PTPRO: variants seen among roughly 807,000 people sequenced by gnomAD.
PTPRO encodes the protein protein tyrosine phosphatase receptor type O.
PTPRO carries 62 observed loss-of-function variants against 145.2 expected under a neutral mutation model. The observed-to-expected ratio is 0.43, with a 90% confidence interval of 0.35 to 0.53. The LOEUF is 0.53. Ranked by LOEUF, PTPRO falls within the 20% of genes least tolerant of loss-of-function variation. The pLI is 0.01. For synonymous variants in PTPRO, 565 were observed against 514.7 expected, an observed-to-expected ratio of 1.10 and a Z score of -1.32; for missense variants, 1,345 against 1,482.7, an observed-to-expected ratio of 0.91 and a Z score of 1.53.
intron 6 of PTPRO, among the ~76,000 whole-genome samples, chr12:15,506,938 G>A (rs191104177): frequency 5.3e-5 from 8 of 152,152 alleles, no homozygotes; most frequent in Non-Finnish European, 8.8e-5. Context: ...TGCAATTATC[G>A]TATCTCCAAA....
At chr12:15,471,129 T>A (rs996195578) in intron 1 of PTPRO, among the ~76,000 whole-genome samples, 12 of 152,244 alleles carry the variant, frequency 7.9e-5, no homozygotes, top group African/African-American at 2.6e-4. Context: ...ATAAAGAATG[T>A]ATCTATTGGG....
intron 1 of PTPRO, among the ~76,000 whole-genome samples, chr12:15,326,035 G>A (rs1469173639): frequency 2.0e-5 from 3 of 152,132 alleles, no homozygotes; most frequent in African/African-American, 7.2e-5. Flanking sequence ...ATACATGAGT[G>A]TTATGATACT....
At chr12:15,536,467 C>G (rs766171222) in intron 12 of PTPRO, among the ~76,000 whole-genome samples, 1 of 152,114 alleles carries the variant, frequency 6.6e-6, no homozygotes, top group African/African-American at 2.4e-5. Context: ...AAAAGTCAGG[C>G]AGGCAGTGTG....
intron 8 of PTPRO, among the ~76,000 whole-genome samples, chr12:15,516,197 A>G (rs201979863): frequency 1.3e-5 from 2 of 150,306 alleles, no homozygotes; most frequent in Admixed American, 6.6e-5. Context: ...TCACCGTGTT[A>G]GCCAGGATGG....
chr12:15,418,766 G>A (rs1940052385), intron 1 of PTPRO, among the ~76,000 whole-genome samples: 1 of 151,720 alleles, frequency 6.6e-6, no homozygotes, highest in Non-Finnish European at 1.5e-5. Context: ...GAAGTGTTAA[G>A]AATTATGGAT....
rs150248189 is a variant in PTPRO, at chr12:15,435,731, A to G, written c.76-48243A>G. ...AACCAGTATTCCAAGGTTAGATGAA[A>G]TAACCAGGACTTAGTGAGAAATGAT... On this transcript the variant is annotated intron_variant, in intron 1 of 26. Transcript: ENST00000281171. Among the ~76,000 whole-genome samples the G allele has an allele frequency of 3.2e-3, 490 of 152,308 alleles. 1 individual carries two copies. Among genetic ancestry groups the G allele is most frequent in the Non-Finnish European group, 5.2e-3 (354 of 68,020 alleles).
At chr12:15,572,416 T>C (rs1335223530) in intron 19 of PTPRO, among the ~76,000 whole-genome samples, 6 of 152,252 alleles carry the variant, frequency 3.9e-5, no homozygotes, top group Non-Finnish European at 8.8e-5. Flanking sequence ...TTTGTAATCA[T>C]TGATAATGTA....
At chr12:15,519,751 T>C (rs1207268139) in intron 9 of PTPRO, among the ~76,000 whole-genome samples, 1 of 152,200 alleles carries the variant, frequency 6.6e-6, no homozygotes, top group East Asian at 1.9e-4. Context: ...TTGAAAAGTG[T>C]GGGTTACCCA....
At chr12:15,557,361 G>T in intron 15 of PTPRO, 94 bp from the exon 16 acceptor site, 1 of 1,136,776 alleles carries the variant, frequency 8.8e-7, no homozygotes, top group South Asian at 1.2e-5. Context: ...TTAATGCTGT[G>T]ATGATAAGCT....
intron 1 of PTPRO, among the ~76,000 whole-genome samples, chr12:15,381,857 T>C (rs1279906653): frequency 6.6e-6 from 1 of 152,120 alleles, no homozygotes; most frequent in Non-Finnish European, 1.5e-5. Flanking sequence ...TTTTCCGTAT[T>C]TAATGAAAGT....
At chr12:15,473,972 TC>T (rs1941599265) in intron 1 of PTPRO, among the ~76,000 whole-genome samples, 1 of 152,072 alleles carries the variant, frequency 6.6e-6, no homozygotes. Flanking sequence ...TGCTTGGACT[TC>T]CCCTAGTTCT....
intron 1 of PTPRO, among the ~76,000 whole-genome samples, chr12:15,464,520 A>T (rs1157596063): frequency 1.0e-5 from 1 of 98,688 alleles, no homozygotes; most frequent in African/African-American, 3.5e-5. Context: ...ACGCCCAGCT[A>T]ATTTTGTTTT....
At chr12:15,554,825 C>T (rs1349907245) in intron 15 of PTPRO, among the ~76,000 whole-genome samples, 1 of 152,180 alleles carries the variant, frequency 6.6e-6, no homozygotes, top group African/African-American at 2.4e-5. Flanking sequence ...ATCAAGTTGA[C>T]CCTCAGTATT....
intron 1 of PTPRO, among the ~76,000 whole-genome samples, chr12:15,474,872 C>G (rs1180253873): frequency 6.6e-6 from 1 of 152,154 alleles, no homozygotes; most frequent in African/African-American, 2.4e-5. Flanking sequence ...GAGTAGAAAG[C>G]AAGAGCACAG....
In PTPRO at chr12:15,529,275, T is replaced by C. The variant is rs557587415; in HGVS notation, c.2164+3013T>C. On this transcript the variant is annotated intron_variant, in intron 12 of 26. Transcript: ENST00000281171. ...GTCAAAATTGGGTGGTGGAGAGAGA[T>C]GAAGTTAAATTTTTAGGTGTGGTAG... Among the ~76,000 whole-genome samples, 4 of 152,062 alleles carry C rather than the reference T, an allele frequency of 2.6e-5. No homozygotes were observed. In the East Asian group the frequency reaches 7.7e-4, roughly 29 times the overall value.
At position 15,477,267 on chromosome 12, in the gene PTPRO, C is replaced by T. The variant is rs1223424916; in HGVS notation, c.76-6707C>T. Among the ~76,000 whole-genome samples the T allele has an allele frequency of 8.6e-5, 11 of 127,224 alleles. No homozygotes were observed. In the South Asian group the frequency reaches 1.2e-3, roughly 13 times the overall value. 83.5% of individuals were successfully genotyped at this position (127,224 alleles called of 152,430 possible). Reference sequence around the variant, plus strand: ...ATCGCAAGAACAAAAAACCAAACACCGCATATTCTCACACATAGGTGGGAA... The same window carrying T: ...ATCGCAAGAACAAAAAACCAAACACTGCATATTCTCACACATAGGTGGGAA... On this transcript the variant is annotated intron_variant, in intron 1 of 26. Coordinates refer to ENST00000281171, the MANE Select transcript of PTPRO (RefSeq NM_030667.3).
In PTPRO at chr12:15,354,121, T is replaced by C. The variant is rs547328987; in HGVS notation, c.75+31320T>C. ...TCAAATAGGGCACTAAATTTTTTTTTAAAAAAGGGCATTAACAAGGTTAAA... is the reference window on the plus strand; with the variant it reads ...TCAAATAGGGCACTAAATTTTTTTTCAAAAAAGGGCATTAACAAGGTTAAA... On this transcript the variant is annotated intron_variant, in intron 1 of 26. Transcript: ENST00000281171. Among the ~76,000 whole-genome samples the C allele has an allele frequency of 6.0e-4, 91 of 151,994 alleles. 1 individual carries two copies. The highest frequency in any genetic ancestry group is 4.6e-4 in the Admixed American group (7 of 15,260).
intron 1 of PTPRO, among the ~76,000 whole-genome samples, chr12:15,364,739 G>T (rs1938309953): frequency 1.3e-5 from 2 of 152,150 alleles, no homozygotes; most frequent in Non-Finnish European, 2.9e-5. Context: ...TCTGAATTTT[G>T]CAGGGCCTGT....
At chr12:15,385,963 A>G (rs901511890) in intron 1 of PTPRO, among the ~76,000 whole-genome samples, 1 of 152,074 alleles carries the variant, frequency 6.6e-6, no homozygotes, top group Non-Finnish European at 1.5e-5. Flanking sequence ...TTTCCTTGAG[A>G]TTTTGTAAAT....
Sources: allele counts gnomAD v4.1 joint callset (sites outside exome capture counted in the v4.1 genomes callset), GRCh38; gene constraint gnomAD v4.1.1; transcripts MANE v1.5; gene names NCBI Gene and HGNC (gene_info 2026-07-23, HGNC 2026-07-21).